ARFGAP3: variants seen among roughly 807,000 people sequenced by gnomAD.
The protein encoded by ARFGAP3 is ARF GTPase activating protein 3.
A neutral mutation model predicts 75.0 loss-of-function variants in ARFGAP3; 72 were observed. The observed-to-expected ratio is 0.96, with a 90% CI of 0.79 to 1.17. The LOEUF (loss-of-function observed/expected upper bound fraction) is 1.17. Ranked by LOEUF, ARFGAP3 falls within the 50% of genes most tolerant of loss-of-function variation. The pLI is 0.00. For synonymous variants in ARFGAP3, 221 were observed against 217.9 expected (o/e 1.01, Z -0.13); for missense variants, 620 against 626.6 (o/e 0.99, Z 0.11).
Position 42,817,876 on chromosome 22 carries a change from A to C in ARFGAP3, c.813-19T>G. 2 of 1,566,460 alleles carry C rather than the reference A, an allele frequency of 1.3e-6. No homozygotes were observed. The highest frequency in any genetic ancestry group is 1.7e-6 in the Non-Finnish European group (2 of 1,153,464). ...TGAAACACTGCCAGAAAAACCAAAT[A>C]CTCCTTAATTTAGCTTTAATCCTTT... On this transcript the variant is annotated intron_variant, in intron 9 of 15. Transcript: ENST00000263245.
intron 3 of ARFGAP3, among the ~76,000 whole-genome samples, chr22:42,838,024 A>C (rs1926605485): frequency 6.6e-6 from 1 of 151,754 alleles, no homozygotes. Context: ...AAAAGTGAAA[A>C]AAAAATCTTA....
At position 42,838,275 on chromosome 22, in the gene ARFGAP3, C is replaced by CAT. The variant is rs55855980; in HGVS notation, c.261+2667_261+2668dup. Among the ~76,000 whole-genome samples, 282 of 137,880 alleles carry CAT rather than the reference C, an allele frequency of 2.0e-3. 1 individual carries two copies. Among genetic ancestry groups the CAT allele is most frequent in the Middle Eastern group, 0.012 (3 of 246 alleles). 90.5% of individuals were successfully genotyped at this position (137,880 alleles called of 152,430 possible). On this transcript the variant is annotated intron_variant, in intron 3 of 15. Coordinates refer to ENST00000263245, the MANE Select transcript of ARFGAP3 (RefSeq NM_014570.5). ...TAATTGATATATATATACACACACACATATATATATATATATTTTTTTTTT... is the reference window on the plus strand; with the variant it reads ...TAATTGATATATATATACACACACACATATATATATATATATATTTTTTTTTT...
intron 12 of ARFGAP3, 193 bp from the exon 13 acceptor site, chr22:42,809,083 T>A (rs890968792): frequency 8.1e-6 from 3 of 368,338 alleles, no homozygotes; most frequent in African/African-American, 6.6e-5. Flanking sequence ...TTGAAGGAAT[T>A]TCTGTTTAAA....
intron 9 of ARFGAP3, among the ~76,000 whole-genome samples, 181 bp downstream of exon 9, chr22:42,822,089 C>T (rs944000456): frequency 2.0e-5 from 3 of 152,070 alleles, no homozygotes; most frequent in African/African-American, 7.2e-5. Flanking sequence ...AGTGTTGCTG[C>T]CCCCATCGTC....
chr22:42,850,620 A>AC (rs1297921205), intron 1 of ARFGAP3, among the ~76,000 whole-genome samples: 1 of 150,424 alleles, frequency 6.6e-6, no homozygotes. Context: ...AGGCAGAATC[A>AC]CTTATGTGAA....
Position 42,817,120 on chromosome 22 carries a change from A to G in ARFGAP3, c.1064+22T>C, listed in dbSNP as rs1020406258. On this transcript the variant is annotated intron_variant, in intron 11 of 15. Coordinates refer to ENST00000263245, the MANE Select transcript of ARFGAP3 (RefSeq NM_014570.5). Reference sequence around the variant, plus strand: ...CACTGCTTTTCAAAATGACACTTCAACGATGATTTGTAATACAGTACCTTG... The same window carrying G: ...CACTGCTTTTCAAAATGACACTTCAGCGATGATTTGTAATACAGTACCTTG... 6.6e-6 allele frequency: 10 copies of G among 1,517,346 alleles called. No individual in the cohort carries two copies. The African/African-American group carries it at 1.4e-4, about 21-fold the overall frequency. The allele number at this position is 1,517,346 out of a possible 1,614,324, so 94.0% of individuals were successfully genotyped here.
At chr22:42,836,980 A>C (rs889290725) in intron 3 of ARFGAP3, among the ~76,000 whole-genome samples, 2 of 152,248 alleles carry the variant, frequency 1.3e-5, no homozygotes, top group African/African-American at 4.8e-5. Context: ...ATGACCACTC[A>C]TCTGAGCCTT....
chr22:42,812,538 T>G (rs1016288467), intron 11 of ARFGAP3, among the ~76,000 whole-genome samples: 4 of 151,970 alleles, frequency 2.6e-5, no homozygotes, highest in African/African-American at 9.7e-5. Context: ...GAGGGGCCAG[T>G]AACCAAAGGC....
rs1412172415 is a variant in ARFGAP3, at chr22:42,857,214, A to G, written c.-32T>C. The G allele has an allele frequency of 6.7e-7, 1 of 1,502,666 alleles. No individual in the cohort carries two copies. The highest frequency in any genetic ancestry group is 8.9e-7 in the Non-Finnish European group (1 of 1,122,572). 93.1% of individuals were successfully genotyped at this position (1,502,666 alleles called of 1,614,324 possible). On this transcript the variant is annotated 5_prime_UTR_variant, in exon 1 of 16. Coordinates refer to ENST00000263245, the MANE Select transcript of ARFGAP3 (RefSeq NM_014570.5). ...CTGTGAGCCGCGGCGCAGCTGGCCC[A>G]GCCAACCGGTAAGAGTCGACGAAAA...
At chr22:42,836,792 T>C (rs1218452251) in intron 3 of ARFGAP3, among the ~76,000 whole-genome samples, 2 of 152,172 alleles carry the variant, frequency 1.3e-5, no homozygotes, top group Non-Finnish European at 2.9e-5. Flanking sequence ...TCAACCCTCA[T>C]AGCAACACTA....
chr22:42,800,333 C>T (rs1924800050), intron 14 of ARFGAP3, among the ~76,000 whole-genome samples: 1 of 152,170 alleles, frequency 6.6e-6, no homozygotes, highest in South Asian at 2.1e-4. Context: ...AGTTCAAGAC[C>T]AGCCTGGCCA....
chr22:42,810,959 G>C lies in ARFGAP3; in HGVS notation c.1065-15C>G, dbSNP rs932374880. On this transcript the variant is annotated splice_polypyrimidine_tract_variant and intron_variant, in intron 11 of 15. Coordinates refer to ENST00000263245, the MANE Select transcript of ARFGAP3 (RefSeq NM_014570.5). ...CGTCAAAGTAACTGTAGGAGCAAGAGTACAACAGTGACTTTGGAGGTCCTT... is the reference window on the plus strand; with the variant it reads ...CGTCAAAGTAACTGTAGGAGCAAGACTACAACAGTGACTTTGGAGGTCCTT... 6.2e-7 allele frequency: 1 copy of C among 1,612,474 alleles called. No individual in the cohort carries two copies. The highest frequency in any genetic ancestry group is 1.1e-5 in the South Asian group (1 of 90,806).
rs71186547 is a variant in ARFGAP3, at chr22:42,837,675, CTTTTTTTT to C, written c.262-2190_262-2183del. On this transcript the variant is annotated intron_variant, in intron 3 of 15. Coordinates refer to ENST00000263245, the MANE Select transcript of ARFGAP3 (RefSeq NM_014570.5). Reference sequence around the variant, plus strand: ...GCCTTGAAACATCTAAGGCATACTTCTTTTTTTTTTTTTTTTTTTTTTGAGACGGTCTT... The same window carrying C: ...GCCTTGAAACATCTAAGGCATACTTCTTTTTTTTTTTTTTGAGACGGTCTT... Among the ~76,000 whole-genome samples, 6 of 75,664 alleles carry C rather than the reference CTTTTTTTT, an allele frequency of 7.9e-5. No homozygotes were observed. The Admixed American group carries it at 1.0e-3, about 13-fold the overall frequency. 49.6% of individuals were successfully genotyped at this position (75,664 alleles called of 152,430 possible). A position where few individuals can be genotyped will look rare whatever the true frequency, so the allele number is the denominator to read the frequency against.
chr22:42,817,755 G>A lies in ARFGAP3; in HGVS notation c.915C>T (p.Leu305=), dbSNP rs139738143. 3.0e-3 allele frequency: 4,804 copies of A among 1,612,982 alleles called. 13 individuals carry two copies. Among genetic ancestry groups the A allele is most frequent in the Non-Finnish European group, 3.2e-3 (3,719 of 1,179,600 alleles). ...TTCTGCAATTTCCAAATCCCATGCC[G>A]AGTCTGTCTGAGTCAACATTTTTTT... The part of the protein sequence containing the change: ...SGKKNVDSDR[L]GMGFGNCRSV... Residue 305 remains leucine, a synonymous_variant, in exon 10 of 16, where the codon CTC becomes CTT. Coordinates refer to ENST00000263245, the MANE Select transcript of ARFGAP3 (RefSeq NM_014570.5).
rs776891060 is a variant in ARFGAP3 at position 42,830,862 on chromosome 22, ACTCT to A, written c.565+683_565+686del. On this transcript the variant is annotated intron_variant, in intron 6 of 15. Coordinates refer to ENST00000263245, the MANE Select transcript of ARFGAP3 (RefSeq NM_014570.5). The stretch of plus-strand genomic sequence containing the variant: ...AGAACTAAAAATCCTCAGTAATTTC[ACTCT>A]CTATTTAACAATTTGCTATGTGCTT... Among the ~76,000 whole-genome samples the A allele has an allele frequency of 5.9e-4, 89 of 152,090 alleles. 1 individual carries two copies. The highest frequency in any genetic ancestry group is 3.4e-3 in the Middle Eastern group (1 of 294).
At chr22:42,821,931 G>C (rs1253069774) in intron 9 of ARFGAP3, among the ~76,000 whole-genome samples, 2 of 152,146 alleles carry the variant, frequency 1.3e-5, no homozygotes, top group South Asian at 2.1e-4. Flanking sequence ...TCCCTAGAGA[G>C]TACACAGTGG....
At chr22:42,842,282 G>C (rs1214038420) in intron 2 of ARFGAP3, among the ~76,000 whole-genome samples, 1 of 149,150 alleles carries the variant, frequency 6.7e-6, no homozygotes, top group Non-Finnish European at 1.5e-5. Context: ...TGTGATTACA[G>C]GCATGAGCCA....
chr22:42,848,881 A>T (rs1399209975), intron 1 of ARFGAP3, among the ~76,000 whole-genome samples: 1 of 152,176 alleles, frequency 6.6e-6, no homozygotes, highest in Non-Finnish European at 1.5e-5. Flanking sequence ...AGAAATGACC[A>T]TGTCATTTTT....
chr22:42,797,283 A>T lies in ARFGAP3; in HGVS notation c.*305T>A. 5.4e-6 allele frequency: 2 copies of T among 367,194 alleles called. No individual in the cohort carries two copies. The highest frequency in any genetic ancestry group is 9.9e-6 in the Non-Finnish European group (2 of 201,916). The allele number at this position is 367,194 out of a possible 1,614,324, so 22.7% of individuals were successfully genotyped here. A position where few individuals can be genotyped will look rare whatever the true frequency, so the allele number is the denominator to read the frequency against. ...TGAAGCCTCCTGGTTCAGGAGCAGG[A>T]GGAGCCGAGGTCTCCAGGCCCTCAG... On this transcript the variant is annotated 3_prime_UTR_variant, in exon 16 of 16. Coordinates refer to ENST00000263245, the MANE Select transcript of ARFGAP3 (RefSeq NM_014570.5).
Sources: gnomAD v4.1 joint callset for allele counts (sites outside exome capture counted in the v4.1 genomes callset) on GRCh38, gnomAD v4.1.1 for gene constraint, MANE v1.5 for transcripts, NCBI Gene and HGNC (gene_info 2026-07-23, HGNC 2026-07-21) for gene names.